The following SLC38A6 variants were observed in gnomAD, a reference collection of about 807,000 sequenced individuals.
SLC38A6 encodes N system amino acid transporter NAT-1.
SLC38A6 carries 73 observed loss-of-function variants against 65.0 expected under a neutral mutation model. The ratio of observed to expected loss-of-function variants is 1.12; its 90% confidence interval spans 0.93 to 1.37. SLC38A6 has a LOEUF of 1.37. SLC38A6 is among the 40% of genes most tolerant of loss of function. SLC38A6 has a pLI of 0.00. For synonymous variants in SLC38A6, 183 were observed against 178.8 expected (o/e 1.02, Z -0.19); for missense variants, 561 against 531.1 (o/e 1.06, Z -0.55).
At chr14:61,047,038 G>GT (rs2042192055) in intron 12 of SLC38A6, among the ~76,000 whole-genome samples, 1 of 152,132 alleles carries the variant, frequency 6.6e-6, no homozygotes, top group Admixed American at 6.5e-5. Flanking sequence ...ATAAGATACT[G>GT]TAACAGGGTC....
At chr14:60,996,353 G>C (rs1369237378) in intron 3 of SLC38A6, among the ~76,000 whole-genome samples, 1 of 152,076 alleles carries the variant, frequency 6.6e-6, no homozygotes, top group African/African-American at 2.4e-5. Flanking sequence ...ATTATAAAAA[G>C]GGTATATTCA....
chr14:61,018,240 G>A (rs577814093), intron 4 of SLC38A6, among the ~76,000 whole-genome samples: 1 of 152,266 alleles, frequency 6.6e-6, no homozygotes, highest in South Asian at 2.1e-4. Flanking sequence ...ACTACTGACA[G>A]TAGGTATCAT....
At chr14:61,055,105 TC>T (rs1284262467), downstream of SLC38A6, among the ~76,000 whole-genome samples, 13 of 85,898 alleles carry the variant, frequency 1.5e-4, no homozygotes, top group South Asian at 3.9e-4. Context: ...TAAGTCTTTT[TC>T]TTTTTTTTTT....
At chr14:60,990,738 C>T (rs1018048009) in intron 3 of SLC38A6, among the ~76,000 whole-genome samples, 15 of 152,100 alleles carry the variant, frequency 9.9e-5, no homozygotes, top group African/African-American at 3.1e-4. Flanking sequence ...CTCAGCCTCC[C>T]GGGTAGCTGG....
intron 8 of SLC38A6, among the ~76,000 whole-genome samples, chr14:61,038,737 A>G (rs1028676529): frequency 4.6e-5 from 7 of 152,322 alleles, no homozygotes; most frequent in African/African-American, 1.7e-4. Context: ...TAGTATATAT[A>G]AGCATTTATT....
chr14:61,021,369 G>A (rs764470036), intron 5 of SLC38A6, among the ~76,000 whole-genome samples: 2 of 152,180 alleles, frequency 1.3e-5, no homozygotes, highest in Non-Finnish European at 2.9e-5. Flanking sequence ...ACTAATTCAA[G>A]TATTGTTCCA....
chr14:61,052,198 A>T, intron 15 of SLC38A6, 63 bp downstream of exon 15: 1 of 1,401,124 alleles, frequency 7.1e-7, no homozygotes, highest in Non-Finnish European at 9.6e-7. Flanking sequence ...GTCAGTTTAT[A>T]TTATTTTACC....
intron 12 of SLC38A6, chr14:61,048,225 A>G (rs535838240): frequency 6.3e-5 from 27 of 427,282 alleles, no homozygotes; most frequent in African/African-American, 4.9e-4. Context: ...GCCTCAACTT[A>G]AGGCTTCCAA....
chr14:61,011,557 C>G (rs563611682), intron 3 of SLC38A6, among the ~76,000 whole-genome samples: 1 of 152,148 alleles, frequency 6.6e-6, no homozygotes, highest in Non-Finnish European at 1.5e-5. Flanking sequence ...TACGTCCCAT[C>G]AATACCTAAT....
chr14:61,001,905 C>G (rs911432897), intron 3 of SLC38A6: 1 of 152,086 alleles, frequency 6.6e-6, no homozygotes, highest in Non-Finnish European at 1.5e-5. Flanking sequence ...ATTATACTAG[C>G]GCTTCTGTTC....
At chr14:61,062,535 C>T (rs1038678169) in intron 15 of SLC38A6, among the ~76,000 whole-genome samples, 5 of 151,762 alleles carry the variant, frequency 3.3e-5, no homozygotes, top group African/African-American at 1.2e-4. Context: ...CTATGTTGCC[C>T]CGACTGGATT....
At chr14:61,072,239 T>G (rs534380504) in intron 15 of SLC38A6, among the ~76,000 whole-genome samples, 5 of 152,262 alleles carry the variant, frequency 3.3e-5, no homozygotes, top group African/African-American at 1.2e-4. Context: ...TTATTTTTAT[T>G]TTTAATCTTT....
intron 3 of SLC38A6, among the ~76,000 whole-genome samples, chr14:61,005,939 T>C (rs1426073937): frequency 1.3e-5 from 2 of 152,104 alleles, no homozygotes; most frequent in African/African-American, 4.8e-5. Flanking sequence ...ACTACAAGGC[T>C]ACAGTAACCA....
chr14:60,994,687 AG>A (rs2038147414), intron 3 of SLC38A6, among the ~76,000 whole-genome samples: 1 of 113,660 alleles, frequency 8.8e-6, no homozygotes. Context: ...CTGGGCGACA[AG>A]AGCAAAACCT....
At chr14:61,026,208 G>A (rs1209887315) in intron 5 of SLC38A6, among the ~76,000 whole-genome samples, 4 of 151,892 alleles carry the variant, frequency 2.6e-5, no homozygotes, top group Admixed American at 1.3e-4. Context: ...AGAGTGCTGC[G>A]AAAAATAACT....
At chr14:61,069,396 A>T (rs1415170542) in intron 15 of SLC38A6, among the ~76,000 whole-genome samples, 1 of 151,982 alleles carries the variant, frequency 6.6e-6, no homozygotes, top group Non-Finnish European at 1.5e-5. Flanking sequence ...TACCCCCATT[A>T]ATCCCAGATT....
chr14:61,064,264 C>T (rs547404683), intron 15 of SLC38A6, among the ~76,000 whole-genome samples: 1 of 152,286 alleles, frequency 6.6e-6, no homozygotes, highest in South Asian at 2.1e-4. Context: ...TACTCGTACC[C>T]TCTTCTTCTG....
At chr14:60,982,435 T>G (rs1370839749) in intron 1 of SLC38A6, 73 bp from the exon 2 acceptor site, 3 of 1,565,544 alleles carry the variant, frequency 1.9e-6, no homozygotes, top group Non-Finnish European at 2.6e-6. Context: ...AATCTTTCAT[T>G]TATGGAATTT....
chr14:61,035,815 C>A (rs892105838), intron 6 of SLC38A6, among the ~76,000 whole-genome samples: 1 of 152,130 alleles, frequency 6.6e-6, no homozygotes, highest in Admixed American at 6.6e-5. Context: ...TGGGAATTAA[C>A]TTTAACTTTT....
Sources: gnomAD v4.1 joint callset for allele counts (sites outside exome capture counted in the v4.1 genomes callset) on GRCh38, gnomAD v4.1.1 for gene constraint, MANE v1.5 for transcripts, NCBI Gene and HGNC (gene_info 2026-07-23, HGNC 2026-07-21) for gene names.